DEPDC1B: variants seen among roughly 807,000 people sequenced by gnomAD.
DEPDC1B encodes the protein DEP domain-containing protein 1B.
Under a neutral mutation model 66.5 loss-of-function variants are expected in DEPDC1B, and 51 were observed. That is an observed-to-expected ratio of 0.77 (90% confidence interval 0.61 to 0.97). DEPDC1B has a LOEUF of 0.97. Ranked by LOEUF, DEPDC1B falls within the 50% of genes least tolerant of loss-of-function variation. DEPDC1B has a pLI of 0.00. For synonymous variants in DEPDC1B, 226 were observed against 223.6 expected (o/e 1.01, Z -0.10); for missense variants, 552 against 637.1 (o/e 0.87, Z 1.44).
chr5:60,625,428 T>A (rs553597843), intron 7 of DEPDC1B, among the ~76,000 whole-genome samples: 2 of 152,300 alleles, frequency 1.3e-5, no homozygotes, highest in Non-Finnish European at 1.5e-5. Context: ...TTTTTAATAA[T>A]CACCATTCTA....
chr5:60,645,909 G>A (rs368161299), intron 3 of DEPDC1B, among the ~76,000 whole-genome samples: 5 of 152,160 alleles, frequency 3.3e-5, no homozygotes, highest in African/African-American at 7.2e-5. Flanking sequence ...TCCTGTGGAC[G>A]TTTCAACTAA....
chr5:60,647,772 G>C lies in DEPDC1B; in HGVS notation c.315-239C>G. ...ATTTTTCTGCAGTCTTGTTAGAAAAGGATACAATGCATTACATTGCACTGC... is the reference window on the plus strand; with the variant it reads ...ATTTTTCTGCAGTCTTGTTAGAAAACGATACAATGCATTACATTGCACTGC... On this transcript the variant is annotated intron_variant, in intron 2 of 10. Coordinates refer to ENST00000265036, the MANE Select transcript of DEPDC1B (RefSeq NM_018369.3). 9.8e-6 allele frequency: 3 copies of C among 307,000 alleles called. 1 individual carries two copies. The East Asian group carries it at 2.0e-4, about 21-fold the overall frequency. The allele number at this position is 307,000 out of a possible 1,614,324, so 19.0% of individuals were successfully genotyped here. A position where few individuals can be genotyped will look rare whatever the true frequency, so the allele number is the denominator to read the frequency against.
At chr5:60,698,880 G>A (rs1754713582) in intron 1 of DEPDC1B, among the ~76,000 whole-genome samples, 1 of 152,010 alleles carries the variant, frequency 6.6e-6, no homozygotes, top group South Asian at 2.1e-4. Flanking sequence ...TGGCCAGGCT[G>A]GTCTCGAACT....
chr5:60,696,880 T>C (rs1030328756), intron 1 of DEPDC1B, among the ~76,000 whole-genome samples: 1 of 152,184 alleles, frequency 6.6e-6, no homozygotes, highest in African/African-American at 2.4e-5. Flanking sequence ...AATATTATGA[T>C]AGCGGTGCTA....
chr5:60,689,070 A>T (rs57521726), intron 1 of DEPDC1B: 261,112 of 455,678 alleles, frequency 0.57, 76,160 homozygotes, highest in East Asian at 0.77. Flanking sequence ...GGGGAAAACA[A>T]GAGGTATGGA....
chr5:60,623,149 A>C (rs1752743544), intron 7 of DEPDC1B, among the ~76,000 whole-genome samples: 1 of 152,136 alleles, frequency 6.6e-6, no homozygotes, highest in African/African-American at 2.4e-5. Context: ...ATCCAGTCCA[A>C]AGTAAAATTT....
chr5:60,620,895 G>C (rs1332930095), intron 7 of DEPDC1B, among the ~76,000 whole-genome samples: 1 of 152,200 alleles, frequency 6.6e-6, no homozygotes, highest in Non-Finnish European at 1.5e-5. Context: ...CAACCCAAAT[G>C]TCCATCAGTG....
At chr5:60,660,552 C>A (rs373804570) in intron 2 of DEPDC1B, among the ~76,000 whole-genome samples, 2 of 152,122 alleles carry the variant, frequency 1.3e-5, no homozygotes, top group Admixed American at 6.5e-5. Flanking sequence ...CCCAGTAACC[C>A]GTGGATGGCC....
chr5:60,640,685 G>A (rs1753168386), intron 6 of DEPDC1B, among the ~76,000 whole-genome samples: 1 of 152,206 alleles, frequency 6.6e-6, no homozygotes, highest in Non-Finnish European at 1.5e-5. Flanking sequence ...GCACACGGGT[G>A]TGACAATAAA....
intron 2 of DEPDC1B, among the ~76,000 whole-genome samples, chr5:60,668,165 A>C (rs1205974457): frequency 2.3e-4 from 7 of 29,832 alleles, no homozygotes; most frequent in South Asian, 1.1e-3. Flanking sequence ...GATATTATAT[A>C]TATATAAAAT....
At chr5:60,681,901 C>A (rs2112018491) in intron 2 of DEPDC1B, among the ~76,000 whole-genome samples, 1 of 151,946 alleles carries the variant, frequency 6.6e-6, no homozygotes, top group East Asian at 1.9e-4. Context: ...CACACCACCA[C>A]ACCCAGCTCT....
intron 2 of DEPDC1B, among the ~76,000 whole-genome samples, chr5:60,685,162 C>A (rs1269490917): frequency 1.3e-5 from 2 of 152,172 alleles, no homozygotes; most frequent in African/African-American, 4.8e-5. Context: ...GGTAGGACAC[C>A]AAATGCTCTT....
chr5:60,676,223 C>CCCGG (rs1311013768), intron 2 of DEPDC1B, among the ~76,000 whole-genome samples: 56 of 139,784 alleles, frequency 4.0e-4, no homozygotes, highest in African/African-American at 1.3e-3. Context: ...AGCCACTGTG[C>CCCGG]CCGGCCTTTT....
chr5:60,613,828 G>GTGTATATA lies in DEPDC1B; in HGVS notation c.899-7973_899-7972insTATATACA, dbSNP rs3989094. Among the ~76,000 whole-genome samples the GTGTATATA allele has an allele frequency of 3.3e-4, 48 of 144,488 alleles. No individual in the cohort carries two copies. In the East Asian group the frequency reaches 3.9e-3, roughly 12 times the overall value. The allele number at this position is 144,488 out of a possible 152,430, so 94.8% of individuals were successfully genotyped here. Reference sequence around the variant, plus strand: ...TGTGTGTGTGTGTGTGTGTGTGTGTGTATACATAAAAAACAGATGTAGGGT... The same window carrying GTGTATATA: ...TGTGTGTGTGTGTGTGTGTGTGTGTGTGTATATATATACATAAAAAACAGATGTAGGGT... On this transcript the variant is annotated intron_variant, in intron 7 of 10. Transcript: ENST00000265036.
At chr5:60,615,463 C>T (rs546731185) in intron 7 of DEPDC1B, among the ~76,000 whole-genome samples, 83 of 152,348 alleles carry the variant, frequency 5.4e-4, no homozygotes, top group African/African-American at 1.9e-3. Flanking sequence ...CTGCACTTTT[C>T]CAACAGTCTT....
intron 4 of DEPDC1B, 123 bp from the exon 5 acceptor site, chr5:60,644,998 C>T (rs528131102): frequency 1.1e-4 from 73 of 663,272 alleles, no homozygotes; most frequent in South Asian, 5.8e-4. Flanking sequence ...CCAATCTTTG[C>T]GGGGCAAAAA....
chr5:60,697,469 G>T (rs531201732), intron 1 of DEPDC1B, among the ~76,000 whole-genome samples: 122 of 152,228 alleles, frequency 8.0e-4, no homozygotes, highest in Non-Finnish European at 1.6e-3. Flanking sequence ...GGGAGGAAAG[G>T]CCAACTAGGT....
intron 2 of DEPDC1B, among the ~76,000 whole-genome samples, chr5:60,686,081 G>A (rs1253117690): frequency 6.6e-6 from 1 of 152,210 alleles, no homozygotes; most frequent in Non-Finnish European, 1.5e-5. Context: ...GCTAGTCCAA[G>A]AGGGAGACAA....
At chr5:60,605,555 A>C in intron 8 of DEPDC1B, 135 bp downstream of exon 8, 1 of 902,012 alleles carries the variant, frequency 1.1e-6, no homozygotes, top group Non-Finnish European at 1.6e-6. Flanking sequence ...GCACGACACA[A>C]GTCTGGGTGG....
Sources: allele counts gnomAD v4.1 joint callset (sites outside exome capture counted in the v4.1 genomes callset), GRCh38; gene constraint gnomAD v4.1.1; transcripts MANE v1.5; gene names NCBI Gene and HGNC (gene_info 2026-07-23, HGNC 2026-07-21).